IL31RA: variants seen among roughly 807,000 people sequenced by gnomAD.
IL31RA encodes the protein interleukin 31 receptor A.
IL31RA carries 66 observed loss-of-function variants against 83.7 expected under a neutral mutation model. That is an observed-to-expected ratio of 0.79 (90% CI 0.65 to 0.97). IL31RA has a LOEUF of 0.97. Ranked by LOEUF, IL31RA falls within the 50% of genes least tolerant of loss-of-function variation. The pLI is 0.00. For synonymous variants in IL31RA, 325 were observed against 329.0 expected (o/e 0.99, Z 0.13); for missense variants, 798 against 919.4 (o/e 0.87, Z 1.71).
chr5:55,851,427 A>G lies in IL31RA; in HGVS notation c.-144A>G. ...TGCTTGGGGGGCATTCGAAACAGCA[A>G]AATCACTCATAAAAGGCAAAAAATT... On this transcript the variant is annotated 5_prime_UTR_variant, in exon 1 of 15. Transcript: ENST00000652347. The G allele has an allele frequency of 2.7e-6, 4 of 1,489,664 alleles. No homozygotes were observed. The highest frequency in any genetic ancestry group is 3.7e-6 in the Non-Finnish European group (4 of 1,088,950). The allele number at this position is 1,489,664 out of a possible 1,614,324, so 92.3% of individuals were successfully genotyped here.
rs1748343792 is a variant in IL31RA, at chr5:55,896,448, C to A, written c.852+19C>A. On this transcript the variant is annotated intron_variant, in intron 7 of 14. Transcript: ENST00000652347. ...ATGGAAGGTGACCTCCCTCTGGATT[C>A]TTTTTCTCTCTCTTTCTTCCCCTTC... The A allele has an allele frequency of 1.9e-6, 3 of 1,546,584 alleles. No individual in the cohort carries two copies. Among genetic ancestry groups the A allele is most frequent in the Admixed American group, 3.3e-5 (2 of 59,896 alleles).
upstream of IL31RA, among the ~76,000 whole-genome samples, chr5:55,847,234 A>T (rs1240968130): frequency 9.4e-3 from 396 of 42,198 alleles, 6 homozygotes; most frequent in African/African-American, 0.038. Context: ...CAGAAAAAAA[A>T]AAAAAAATAA....
chr5:55,913,262 T>A (rs142192332), intron 12 of IL31RA, among the ~76,000 whole-genome samples: 54 of 152,234 alleles, frequency 3.5e-4, no homozygotes, highest in African/African-American at 1.3e-3. Context: ...GGCTAATTTT[T>A]TGTATCTTTA....
intron 7 of IL31RA, among the ~76,000 whole-genome samples, chr5:55,896,902 T>G (rs1371043098): frequency 2.3e-5 from 2 of 86,152 alleles, no homozygotes; most frequent in African/African-American, 8.9e-5. Flanking sequence ...CTGCAGCCTT[T>G]AACTCCTGGG....
Position 55,878,318 on chromosome 5 carries a change from G to A in IL31RA, c.455-4726G>A, listed in dbSNP as rs571086801. 2.6e-5 allele frequency among the ~76,000 whole-genome samples: 4 copies of A among 152,156 alleles called. No individual in the cohort carries two copies. The South Asian group carries it at 8.3e-4, about 32-fold the overall frequency. ...TTAAGGTGATCATTTTAGGGTCTTG[G>A]TCTAGAAATTCTGATGGCTGGGCTT... On this transcript the variant is annotated intron_variant, in intron 4 of 14. Transcript: ENST00000652347.
chr5:55,859,715 A>G, intron 2 of IL31RA, 116 bp downstream of exon 2: 1 of 774,740 alleles, frequency 1.3e-6, no homozygotes, highest in Non-Finnish European at 2.3e-6. Context: ...AGAAAAGGGG[A>G]CTTGTGAACA....
chr5:55,855,889 TTTG>T (rs941305698), intron 1 of IL31RA, among the ~76,000 whole-genome samples: 1 of 152,048 alleles, frequency 6.6e-6, no homozygotes, highest in African/African-American at 2.4e-5. Context: ...TGTTGTTGGT[TTTG>T]TTGTTGTTTG....
chr5:55,864,497 ATAC>A (rs771922592), intron 2 of IL31RA, among the ~76,000 whole-genome samples: 12 of 150,250 alleles, frequency 8.0e-5, no homozygotes, highest in East Asian at 3.9e-4. Context: ...CATCATAATC[ATAC>A]TACACACACC....
chr5:55,889,419 T>C (rs565105500), intron 5 of IL31RA, among the ~76,000 whole-genome samples: 1 of 152,354 alleles, frequency 6.6e-6, no homozygotes, highest in South Asian at 2.1e-4. Flanking sequence ...ACCAGTGCTT[T>C]GAAGTGAAAG....
At chr5:55,859,397 T>C in intron 1 of IL31RA, 112 bp from the exon 2 acceptor site, 3 of 781,824 alleles carry the variant, frequency 3.8e-6, no homozygotes, top group Non-Finnish European at 6.8e-6. Flanking sequence ...ACAAATAAAA[T>C]AAAATAGGAT....
At chr5:55,842,993 C>T in the IL31RA span, among the ~76,000 whole-genome samples, 1 of 152,312 alleles carries the variant, frequency 6.6e-6, no homozygotes, top group Admixed American at 6.5e-5. Flanking sequence ...CATCAGCATA[C>T]TTCTGCTGCC....
intron 1 of IL31RA, among the ~76,000 whole-genome samples, chr5:55,855,316 A>AATAT (rs33990463): frequency 0.017 from 2,432 of 145,816 alleles, 28 homozygotes; most frequent in Middle Eastern, 0.049. Context: ...GATAATTTAA[A>AATAT]ATATATATAT....
Position 55,919,282 on chromosome 5 carries a change from TC to T in IL31RA, c.*2163del, listed in dbSNP as rs940692193. Among the ~76,000 whole-genome samples the T allele has an allele frequency of 1.3e-5, 2 of 152,008 alleles. No individual in the cohort carries two copies. Among genetic ancestry groups the T allele is most frequent in the African/African-American group, 4.8e-5 (2 of 41,382 alleles). ...GGTGAGAGGAGAGCCTGGAACAAGT[TC>T]TCCCAAACTTGTCTGTCTCACACCT... On this transcript the variant is annotated 3_prime_UTR_variant, in exon 15 of 15. Coordinates refer to ENST00000652347, the MANE Select transcript of IL31RA (RefSeq NM_139017.7).
upstream of IL31RA, among the ~76,000 whole-genome samples, chr5:55,847,649 A>G (rs1426143920): frequency 6.6e-6 from 1 of 152,220 alleles, no homozygotes; most frequent in African/African-American, 2.4e-5. Flanking sequence ...CCCATTGGCA[A>G]CATTTTATAT....
intron 3 of IL31RA, among the ~76,000 whole-genome samples, chr5:55,871,860 T>C (rs1161240937): frequency 1.4e-5 from 2 of 140,402 alleles, no homozygotes; most frequent in African/African-American, 2.9e-5. Flanking sequence ...TACCATAATG[T>C]ATTTAACAAA....
chr5:55,841,659 C>T, the IL31RA span, among the ~76,000 whole-genome samples: 2 of 152,180 alleles, frequency 1.3e-5, no homozygotes, highest in African/African-American at 2.4e-5. Flanking sequence ...GAACCCATCA[C>T]CTGATAGCTC....
Position 55,867,279 on chromosome 5 carries a change from A to T in IL31RA, c.155-1512A>T, listed in dbSNP as rs2432147. On this transcript the variant is annotated intron_variant, in intron 2 of 14. Transcript: ENST00000652347. ...CGTGTGTTTGTGTGCGTGTGTGTGC[A>T]TGTGTGTGTGCATGTGTGTGTGTGC... 1.1e-3 allele frequency among the ~76,000 whole-genome samples: 15 copies of T among 14,220 alleles called. 1 individual carries two copies. The East Asian group carries it at 0.015, about 14-fold the overall frequency. The allele number at this position is 14,220 out of a possible 152,430, so 9.3% of individuals were successfully genotyped here. A position where few individuals can be genotyped will look rare whatever the true frequency, so the allele number is the denominator to read the frequency against.
chr5:55,868,966 AT>A, intron 3 of IL31RA, 58 bp downstream of exon 3: 1 of 949,994 alleles, frequency 1.1e-6, no homozygotes, highest in Non-Finnish European at 1.7e-6. Flanking sequence ...GAGGCTTCTG[AT>A]TCATTCATGA....
At chr5:55,854,240 C>T in intron 1 of IL31RA, among the ~76,000 whole-genome samples, 1 of 152,134 alleles carries the variant, frequency 6.6e-6, no homozygotes, top group Admixed American at 6.5e-5. Context: ...GCCCACAACC[C>T]AAATGGATTT....
Sources: gnomAD v4.1 joint callset for allele counts (sites outside exome capture counted in the v4.1 genomes callset) on GRCh38, gnomAD v4.1.1 for gene constraint, MANE v1.5 for transcripts, NCBI Gene and HGNC (gene_info 2026-07-23, HGNC 2026-07-21) for gene names.